Variants in HS6ST3 observed in about 807,000 individuals in gnomAD.
HS6ST3 encodes heparan-sulfate 6-O-sulfotransferase 3.
HS6ST3 carries 12 observed loss-of-function variants against 36.7 expected under a neutral mutation model. The observed-to-expected ratio is 0.33, with a 90% CI of 0.21 to 0.53. The LOEUF (loss-of-function observed/expected upper bound fraction) is 0.53, where lower values mean the gene tolerates loss of function less well. Ranked by LOEUF, HS6ST3 falls within the 20% of genes least tolerant of loss-of-function variation. HS6ST3 has a pLI of 0.95. For synonymous variants in HS6ST3, 240 were observed against 257.5 expected (o/e 0.93, Z 0.65); for missense variants, 584 against 640.9 (o/e 0.91, Z 0.96).
At chr13:96,410,350 C>T (rs934973915) in intron 1 of HS6ST3, among the ~76,000 whole-genome samples, 2 of 151,720 alleles carry the variant, frequency 1.3e-5, no homozygotes, top group Admixed American at 6.6e-5. Context: ...AGGAAATGAA[C>T]AAGCAATTTT....
chr13:96,123,285 T>C (rs549024697), intron 1 of HS6ST3, among the ~76,000 whole-genome samples: 1 of 152,362 alleles, frequency 6.6e-6, no homozygotes, highest in South Asian at 2.1e-4. Context: ...GTTTTGCTTA[T>C]ATTTTTTTAG....
intron 1 of HS6ST3, among the ~76,000 whole-genome samples, chr13:96,694,284 A>G (rs1046452389): frequency 3.1e-4 from 47 of 152,010 alleles, no homozygotes; most frequent in African/African-American, 1.1e-3. Flanking sequence ...CTGTTCCTGC[A>G]TTAGTTTGCT....
intron 1 of HS6ST3, among the ~76,000 whole-genome samples, chr13:96,263,262 A>G (rs2054675129): frequency 6.6e-6 from 1 of 152,186 alleles, no homozygotes; most frequent in South Asian, 2.1e-4. Flanking sequence ...GGAGGTAGAG[A>G]AAATAAAGTT....
chr13:96,536,100 C>A (rs549497805), intron 1 of HS6ST3, among the ~76,000 whole-genome samples: 128 of 152,192 alleles, frequency 8.4e-4, no homozygotes, highest in Middle Eastern at 3.4e-3. Flanking sequence ...TTATGTGTAC[C>A]CCCATGCTTA....
chr13:96,552,838 G>A (rs2056224388), intron 1 of HS6ST3, among the ~76,000 whole-genome samples: 1 of 152,190 alleles, frequency 6.6e-6, no homozygotes, highest in Non-Finnish European at 1.5e-5. Flanking sequence ...CAGAGGACAG[G>A]GGGAAGGGGA....
intron 1 of HS6ST3, among the ~76,000 whole-genome samples, chr13:96,694,823 C>T (rs1875076055): frequency 6.6e-6 from 1 of 151,634 alleles, no homozygotes; most frequent in African/African-American, 2.4e-5. Context: ...GCTTTTTGGC[C>T]GTGTATATGT....
At chr13:96,327,611 C>A (rs985569506) in intron 1 of HS6ST3, among the ~76,000 whole-genome samples, 108 of 151,712 alleles carry the variant, frequency 7.1e-4, no homozygotes, top group African/African-American at 2.5e-3. Context: ...AGTCAGGTAG[C>A]GTGATGCCTC....
chr13:96,431,371 T>A (rs1050562240), intron 1 of HS6ST3, among the ~76,000 whole-genome samples: 13 of 152,278 alleles, frequency 8.5e-5, no homozygotes, highest in African/African-American at 3.1e-4. Flanking sequence ...TCATTGTCAG[T>A]CTCTCCAGAG....
At chr13:96,596,950 AGCC>A (rs1163693402) in intron 1 of HS6ST3, among the ~76,000 whole-genome samples, 8 of 152,170 alleles carry the variant, frequency 5.3e-5, no homozygotes, top group African/African-American at 1.9e-4. Context: ...CCTCAATGAT[AGCC>A]TAGATAAATA....
At position 96,620,799 on chromosome 13, in the gene HS6ST3, G is replaced by A. The variant is rs543597354; in HGVS notation, c.708-211691G>A. Among the ~76,000 whole-genome samples, 7 of 150,408 alleles carry A rather than the reference G, an allele frequency of 4.7e-5. No homozygotes were observed. The East Asian group carries it at 1.4e-3, about 29-fold the overall frequency. ...GATCTTTAACCTGCTGGAAATATAA[G>A]CCATATATAACATCCTTGTTATGTC... On this transcript the variant is annotated intron_variant, in intron 1 of 1. Transcript: ENST00000376705.
At chr13:96,426,754 G>A (rs2055589089) in intron 1 of HS6ST3, among the ~76,000 whole-genome samples, 1 of 152,134 alleles carries the variant, frequency 6.6e-6, no homozygotes, top group Non-Finnish European at 1.5e-5. Flanking sequence ...GTTGGTCCCT[G>A]TTCTCCATGT....
chr13:96,736,964 T>A (rs2138481473), intron 1 of HS6ST3, among the ~76,000 whole-genome samples: 1 of 152,266 alleles, frequency 6.6e-6, no homozygotes, highest in South Asian at 2.1e-4. Flanking sequence ...AGGCTCGAAA[T>A]CATAGCACTA....
intron 1 of HS6ST3, among the ~76,000 whole-genome samples, chr13:96,787,739 T>C (rs1182036271): frequency 6.6e-6 from 1 of 152,032 alleles, no homozygotes; most frequent in Non-Finnish European, 1.5e-5. Context: ...GATAGTGTTG[T>C]TCTCAGAGCA....
At chr13:96,728,762 T>C (rs1015380379) in intron 1 of HS6ST3, among the ~76,000 whole-genome samples, 2 of 152,186 alleles carry the variant, frequency 1.3e-5, no homozygotes, top group African/African-American at 4.8e-5. Flanking sequence ...AACATAATCA[T>C]GTTCAAGGGA....
At chr13:96,280,227 G>A (rs2054768969) in intron 1 of HS6ST3, among the ~76,000 whole-genome samples, 3 of 152,004 alleles carry the variant, frequency 2.0e-5, no homozygotes, top group East Asian at 1.9e-4. Flanking sequence ...TAATAGCTGC[G>A]ATGAAATATT....
rs17686931 is a variant in HS6ST3 at position 96,411,004 on chromosome 13, A to C, written c.707+319435A>C. 8.7e-3 allele frequency among the ~76,000 whole-genome samples: 1,322 copies of C among 152,338 alleles called. 10 individuals are homozygous for C. Among genetic ancestry groups the C allele is most frequent in the South Asian group, 0.033 (157 of 4,828 alleles). On this transcript the variant is annotated intron_variant, in intron 1 of 1. Coordinates refer to ENST00000376705, the MANE Select transcript of HS6ST3 (RefSeq NM_153456.4). ...AATGAGGATGGTAAATTTCCAGTTT[A>C]AAGTTCTTTGACCTCACCATCACAG...
chr13:96,794,322 TGATAAGTATTC>T (rs1382175527), intron 1 of HS6ST3, among the ~76,000 whole-genome samples: 2 of 152,100 alleles, frequency 1.3e-5, no homozygotes, highest in African/African-American at 4.8e-5. Context: ...AAAACACATC[TGATAAGTATTC>T]CTCTGTGCAG....
At chr13:96,355,642 G>A (rs375421161) in intron 1 of HS6ST3, among the ~76,000 whole-genome samples, 1 of 152,012 alleles carries the variant, frequency 6.6e-6, no homozygotes, top group East Asian at 1.9e-4. Flanking sequence ...ATTATCATCT[G>A]AGCCTTCCAT....
At chr13:96,246,523 G>C (rs889744185) in intron 1 of HS6ST3, among the ~76,000 whole-genome samples, 1 of 152,068 alleles carries the variant, frequency 6.6e-6, no homozygotes, top group African/African-American at 2.4e-5. Flanking sequence ...TCTTTACCCT[G>C]GTTTTTAGAT....
Sources: allele counts gnomAD v4.1 joint callset (sites outside exome capture counted in the v4.1 genomes callset), GRCh38; gene constraint gnomAD v4.1.1; transcripts MANE v1.5; gene names NCBI Gene and HGNC (gene_info 2026-07-23, HGNC 2026-07-21).